The following ACTR3C variants were observed in gnomAD, a reference collection of about 807,000 sequenced individuals.
The protein encoded by ACTR3C is actin-related protein 3C.
Under a neutral mutation model 26.3 loss-of-function variants are expected in ACTR3C, and 18 were observed. The ratio of observed to expected loss-of-function variants is 0.68; its 90% CI spans 0.47 to 1.01. The LOEUF (loss-of-function observed/expected upper bound fraction) is 1.01. Among genes scored for constraint, ACTR3C ranks in the 50% least tolerant of loss-of-function variants. The probability of loss-of-function intolerance (pLI) is 0.00; values close to 1 mark genes in which losing one functional copy is unlikely to be tolerated. For synonymous variants in ACTR3C, 55 were observed against 94.5 expected, an observed-to-expected ratio of 0.58 and a Z score of 2.42; for missense variants, 184 against 250.7, an observed-to-expected ratio of 0.73 and a Z score of 1.80.
intron 6 of ACTR3C, among the ~76,000 whole-genome samples, chr7:150,263,182 A>G (rs1297697236): frequency 6.6e-6 from 1 of 151,850 alleles, no homozygotes; most frequent in Non-Finnish European, 1.5e-5. Context: ...ACAGGTGAAC[A>G]TATGTCCCCC....
intron 6 of ACTR3C, among the ~76,000 whole-genome samples, chr7:150,279,378 C>A (rs1266118315): frequency 6.6e-6 from 1 of 152,178 alleles, no homozygotes; most frequent in Non-Finnish European, 1.5e-5. Flanking sequence ...GTTTAAAATG[C>A]ATTCACATAA....
chr7:150,255,329 G>T (rs190765788), intron 6 of ACTR3C, among the ~76,000 whole-genome samples: 1 of 145,772 alleles, frequency 6.9e-6, no homozygotes, highest in Non-Finnish European at 1.5e-5. Context: ...AGACTAGGCA[G>T]ATGCCCAGCA....
At chr7:150,284,358 T>C (rs1217056530) in intron 6 of ACTR3C, among the ~76,000 whole-genome samples, 1 of 152,124 alleles carries the variant, frequency 6.6e-6, no homozygotes, top group East Asian at 1.9e-4. Context: ...CTGGGCAACA[T>C]GGTGAAACAC....
the ACTR3C span, among the ~76,000 whole-genome samples, chr7:150,106,035 C>G: frequency 2.0e-5 from 3 of 151,936 alleles, no homozygotes. Context: ...AGAAACAAAA[C>G]AGAAAAATAA....
At chr7:149,913,365 T>C in the ACTR3C span, among the ~76,000 whole-genome samples, 1 of 152,236 alleles carries the variant, frequency 6.6e-6, no homozygotes, top group African/African-American at 2.4e-5. Context: ...GGCACTGTAC[T>C]AGTCACTGAG....
chr7:150,114,578 C>A, the ACTR3C span, among the ~76,000 whole-genome samples: 3 of 152,002 alleles, frequency 2.0e-5, no homozygotes, highest in Non-Finnish European at 4.4e-5. Flanking sequence ...TGTTAAAAAG[C>A]AATTTTTTTA....
the ACTR3C span, among the ~76,000 whole-genome samples, chr7:150,178,097 A>G: frequency 1.3e-5 from 2 of 150,372 alleles, no homozygotes; most frequent in Non-Finnish European, 2.9e-5. Context: ...CCTTATCACC[A>G]CTTGAAATTC....
chr7:149,933,466 C>T, the ACTR3C span, among the ~76,000 whole-genome samples: 384 of 152,270 alleles, frequency 2.5e-3, 8 homozygotes, highest in East Asian at 0.04. Context: ...GTCTCTCTAA[C>T]ACATAATTGT....
chr7:149,988,342 G>A, the ACTR3C span, among the ~76,000 whole-genome samples: 2 of 152,206 alleles, frequency 1.3e-5, no homozygotes, highest in Non-Finnish European at 2.9e-5. Context: ...ATGGGGCATG[G>A]AAGGATATCT....
chr7:150,221,939 A>G, the ACTR3C span, among the ~76,000 whole-genome samples: 1 of 147,412 alleles, frequency 6.8e-6, no homozygotes, highest in African/African-American at 2.5e-5. Flanking sequence ...CGGATCTTGC[A>G]GTGAGCCGAG....
chr7:150,111,921 T>A, the ACTR3C span, among the ~76,000 whole-genome samples: 19 of 151,916 alleles, frequency 1.3e-4, no homozygotes, highest in African/African-American at 4.6e-4. Context: ...CTTCCATACA[T>A]CATCGCTCTC....
At chr7:149,929,719 C>T in the ACTR3C span, among the ~76,000 whole-genome samples, 7 of 151,932 alleles carry the variant, frequency 4.6e-5, no homozygotes, top group South Asian at 1.0e-3. Flanking sequence ...TTAGTAGAGA[C>T]GGGGTTTCAC....
chr7:150,157,231 T>C, the ACTR3C span, among the ~76,000 whole-genome samples: 1 of 151,992 alleles, frequency 6.6e-6, no homozygotes, highest in African/African-American at 2.4e-5. Context: ...AAACATGTTC[T>C]TCAGGACTCT....
the ACTR3C span, among the ~76,000 whole-genome samples, chr7:149,963,562 C>G: frequency 1.3e-5 from 2 of 152,176 alleles, no homozygotes; most frequent in Admixed American, 1.3e-4. Context: ...CATCTCCTAA[C>G]AAAGGATGAA....
the ACTR3C span, among the ~76,000 whole-genome samples, chr7:149,902,213 T>G: frequency 6.6e-6 from 1 of 151,910 alleles, no homozygotes; most frequent in African/African-American, 2.4e-5. Flanking sequence ...ATATTTTTAC[T>G]AAAGCTTGAA....
At chr7:150,260,167 C>A (rs960112144) in intron 6 of ACTR3C, among the ~76,000 whole-genome samples, 3 of 152,204 alleles carry the variant, frequency 2.0e-5, no homozygotes, top group East Asian at 3.9e-4. Context: ...CCTGCAAAAT[C>A]GAAAATATTT....
the ACTR3C span, among the ~76,000 whole-genome samples, chr7:150,222,216 T>C: frequency 2.0e-5 from 3 of 152,312 alleles, no homozygotes; most frequent in South Asian, 6.2e-4. Flanking sequence ...GAGATGAATA[T>C]GAAGGCTCAG....
chr7:150,265,668 T>C (rs1351152723), intron 6 of ACTR3C, among the ~76,000 whole-genome samples: 1 of 152,208 alleles, frequency 6.6e-6, no homozygotes, highest in Non-Finnish European at 1.5e-5. Context: ...CACTCCACCC[T>C]GGGCAACTCC....
the ACTR3C span, among the ~76,000 whole-genome samples, chr7:150,235,402 ACC>A: frequency 6.6e-6 from 1 of 152,160 alleles, no homozygotes; most frequent in South Asian, 2.1e-4. Flanking sequence ...CCTTCTGGAC[ACC>A]TGCGAGTTCT....
Sources: allele counts gnomAD v4.1 joint callset (sites outside exome capture counted in the v4.1 genomes callset), GRCh38; gene constraint gnomAD v4.1.1; transcripts MANE v1.5; gene names NCBI Gene and HGNC (gene_info 2026-07-23, HGNC 2026-07-21).